The following KLHL8 variants were observed in gnomAD, a reference collection of about 807,000 sequenced individuals.
The protein encoded by KLHL8 is kelch like family member 8, also known as kelch-like protein 8.
Under a neutral mutation model 63.5 loss-of-function variants are expected in KLHL8, and 38 were observed. That is an observed-to-expected ratio of 0.60 (90% CI 0.46 to 0.78). The LOEUF is 0.78. KLHL8 is among the 30% of genes least tolerant of loss of function. KLHL8 has a pLI of 0.00. For missense variants in KLHL8, 566 were observed against 752.4 expected (o/e 0.75, Z 2.90); for synonymous variants, 224 against 254.3 (o/e 0.88, Z 1.13).
At chr4:87,234,796 T>G (rs563823159) in intron 1 of KLHL8, among the ~76,000 whole-genome samples, 1 of 152,282 alleles carries the variant, frequency 6.6e-6, no homozygotes, top group Admixed American at 6.5e-5. Flanking sequence ...CAACTCCATG[T>G]GGGTTATTGC....
intron 1 of KLHL8, among the ~76,000 whole-genome samples, chr4:87,205,298 T>C (rs751749490): frequency 2.5e-4 from 38 of 152,194 alleles, no homozygotes; most frequent in Admixed American, 5.2e-4. Flanking sequence ...TCCCAGCTAC[T>C]TGGGAGGCTG....
chr4:87,173,398 TGTG>T (rs1730707323), intron 6 of KLHL8, among the ~76,000 whole-genome samples: 1 of 152,210 alleles, frequency 6.6e-6, no homozygotes, highest in Non-Finnish European at 1.5e-5. Context: ...TGGTGTGTCT[TGTG>T]GTGGGCATTT....
chr4:87,187,052 T>C lies in KLHL8; in HGVS notation c.217-1253A>G, dbSNP rs1279378928. Among the ~76,000 whole-genome samples the C allele has an allele frequency of 2.0e-5, 3 of 152,092 alleles. No individual in the cohort carries two copies. In the East Asian group the frequency reaches 5.8e-4, roughly 29 times the overall value. On this transcript the variant is annotated intron_variant, in intron 2 of 9. Coordinates refer to ENST00000273963, the MANE Select transcript of KLHL8 (RefSeq NM_020803.5). ...GCTTCCAACAGTATGCTATTACAAA[T>C]AGCACACTAGTGAACTTCTTTGTAA...
At position 87,226,767 on chromosome 4, in the gene KLHL8, A is replaced by AAT. The variant is rs1230067794; in HGVS notation, n.58-5379_58-5378dup. ...TATATAATATATATTATTTATATATAATATATATTATATATATAATATATA... is the reference window on the plus strand; with the variant it reads ...TATATAATATATATTATTTATATATAATATATATATTATATATATAATATATA... On this transcript the variant is annotated intron_variant and non_coding_transcript_variant, in intron 1 of 1. Transcript: ENST00000506274. 1.6e-3 allele frequency among the ~76,000 whole-genome samples: 36 copies of AAT among 22,298 alleles called. 4 individuals are homozygous for AAT. The highest frequency in any genetic ancestry group is 2.1e-3 in the Non-Finnish European group (33 of 15,414). The allele number at this position is 22,298 out of a possible 152,430, so 14.6% of individuals were successfully genotyped here. A position where few individuals can be genotyped will look rare whatever the true frequency, so the allele number is the denominator to read the frequency against.
At chr4:87,237,157 A>C (rs1317279360) in intron 1 of KLHL8, among the ~76,000 whole-genome samples, 1 of 152,180 alleles carries the variant, frequency 6.6e-6, no homozygotes, top group Non-Finnish European at 1.5e-5. Flanking sequence ...AGGCCTGAGA[A>C]TATGGTTCTC....
At position 87,213,741 on chromosome 4, in the gene KLHL8, T is replaced by A. The variant is rs144530672; in HGVS notation, c.-152+6677A>T. ...GGTTTAGCCTACAGGCAGTAGGTAATCAGTTTCCTTCTGGTTCAAAATTAC... is the reference window on the plus strand; with the variant it reads ...GGTTTAGCCTACAGGCAGTAGGTAAACAGTTTCCTTCTGGTTCAAAATTAC... On this transcript the variant is annotated intron_variant, in intron 1 of 9. Coordinates refer to ENST00000273963, the MANE Select transcript of KLHL8 (RefSeq NM_020803.5). 5.2e-3 allele frequency among the ~76,000 whole-genome samples: 797 copies of A among 152,356 alleles called. 6 individuals carry two copies. Among genetic ancestry groups the A allele is most frequent in the Middle Eastern group, 0.014 (4 of 294 alleles).
chr4:87,229,120 C>T (rs1733086906), intron 1 of KLHL8, among the ~76,000 whole-genome samples: 1 of 152,202 alleles, frequency 6.6e-6, no homozygotes, highest in South Asian at 2.1e-4. Flanking sequence ...ATAAAATAGC[C>T]TGTTGTTCAG....
chr4:87,212,352 G>A (rs1211004611), intron 1 of KLHL8, among the ~76,000 whole-genome samples: 1 of 152,108 alleles, frequency 6.6e-6, no homozygotes, highest in East Asian at 1.9e-4. Context: ...TGAGCTGGGA[G>A]GACTGCTTGA....
chr4:87,167,516 G>C, intron 8 of KLHL8: 1 of 542,476 alleles, frequency 1.8e-6, no homozygotes, highest in South Asian at 1.4e-5. Context: ...ATGCGGTTGT[G>C]TCCTGGCTAA....
chr4:87,194,161 C>G (rs1268882805), intron 2 of KLHL8, among the ~76,000 whole-genome samples: 1 of 152,178 alleles, frequency 6.6e-6, no homozygotes, highest in Non-Finnish European at 1.5e-5. Flanking sequence ...CATAAGGGCT[C>G]TGTGCTCATG....
chr4:87,200,301 A>C (rs942413279), intron 1 of KLHL8, among the ~76,000 whole-genome samples: 1 of 152,156 alleles, frequency 6.6e-6, no homozygotes, highest in African/African-American at 2.4e-5. Context: ...TGTATCCTTA[A>C]GTCCCTTATA....
upstream of KLHL8, chr4:87,221,422 T>C (rs1301634868): frequency 8.3e-6 from 1 of 120,626 alleles, no homozygotes; most frequent in African/African-American, 3.1e-5. Context: ...AAAAAAGCAA[T>C]GCAAGTAAAA....
intron 8 of KLHL8, 127 bp from the exon 9 acceptor site, chr4:87,164,206 T>A (rs372284316): frequency 2.1e-4 from 172 of 824,960 alleles, no homozygotes; most frequent in African/African-American, 1.2e-3. Context: ...AAAATTTTTT[T>A]AAAAAATTCA....
intron 1 of KLHL8, among the ~76,000 whole-genome samples, chr4:87,232,819 T>C (rs1733158014): frequency 6.6e-6 from 1 of 152,204 alleles, no homozygotes; most frequent in Non-Finnish European, 1.5e-5. Flanking sequence ...AATATATTTA[T>C]TACCAATTCA....
In KLHL8 at chr4:87,200,020, A is replaced by G. The variant is rs957462901; in HGVS notation, c.-151-4330T>C. On this transcript the variant is annotated intron_variant, in intron 1 of 9. Transcript: ENST00000273963. Reference sequence around the variant, plus strand: ...GCTGGACGTGGTAGCATGTGCCTATAGTCCCAGCTACTCAGGAGGCTAAGG... The same window carrying G: ...GCTGGACGTGGTAGCATGTGCCTATGGTCCCAGCTACTCAGGAGGCTAAGG... Among the ~76,000 whole-genome samples, 3 of 151,668 alleles carry G rather than the reference A, an allele frequency of 2.0e-5. No homozygotes were observed. In the South Asian group the frequency reaches 6.3e-4, roughly 32 times the overall value.
At chr4:87,231,892 C>T (rs1048852304) in intron 1 of KLHL8, among the ~76,000 whole-genome samples, 1 of 152,194 alleles carries the variant, frequency 6.6e-6, no homozygotes, top group African/African-American at 2.4e-5. Flanking sequence ...GCCACCATGC[C>T]CGGTTGATTG....
chr4:87,226,581 CTCTA>C (rs1182690301), intron 1 of KLHL8, among the ~76,000 whole-genome samples: 6 of 84,678 alleles, frequency 7.1e-5, no homozygotes, highest in Admixed American at 1.8e-4. Flanking sequence ...CTCTCTCTCT[CTCTA>C]TATATATAAA....
chr4:87,229,961 C>T (rs1392448479), intron 1 of KLHL8, among the ~76,000 whole-genome samples: 1 of 152,108 alleles, frequency 6.6e-6, no homozygotes, highest in Non-Finnish European at 1.5e-5. Flanking sequence ...TGAGCCCTTT[C>T]CTCAAGTTTG....
At chr4:87,189,905 G>A (rs965912304) in intron 2 of KLHL8, among the ~76,000 whole-genome samples, 4 of 151,480 alleles carry the variant, frequency 2.6e-5, no homozygotes, top group Admixed American at 6.6e-5. Context: ...ATGGTGGCAC[G>A]CGCCTGTAGT....
Sources: gnomAD v4.1 joint callset for allele counts (sites outside exome capture counted in the v4.1 genomes callset) on GRCh38, gnomAD v4.1.1 for gene constraint, MANE v1.5 for transcripts, NCBI Gene and HGNC (gene_info 2026-07-23, HGNC 2026-07-21) for gene names.